CNTN4: variants seen among roughly 807,000 people sequenced by gnomAD.
CNTN4 encodes contactin-4.
CNTN4 carries 77 observed loss-of-function variants against 122.5 expected under a neutral mutation model. That is an observed-to-expected ratio of 0.63 (90% CI 0.52 to 0.76). The LOEUF (loss-of-function observed/expected upper bound fraction) is 0.76, where lower values mean the gene tolerates loss of function less well. Among genes scored for constraint, CNTN4 ranks in the 30% least tolerant of loss-of-function variants. The probability of loss-of-function intolerance (pLI) is 0.00; values close to 1 mark genes in which losing one functional copy is unlikely to be tolerated. For synonymous variants in CNTN4, 512 were observed against 447.0 expected, an observed-to-expected ratio of 1.15 and a Z score of -1.83; for missense variants, 1,256 against 1,259.1, an observed-to-expected ratio of 1.00 and a Z score of 0.04.
At chr3:2,505,579 C>T (rs149324343) in intron 3 of CNTN4, among the ~76,000 whole-genome samples, 5 of 152,100 alleles carry the variant, frequency 3.3e-5, no homozygotes, top group African/African-American at 7.2e-5. Flanking sequence ...TTGCAAAGAC[C>T]TACATAAATA....
intron 7 of CNTN4, among the ~76,000 whole-genome samples, chr3:2,833,592 G>A (rs1474872803): frequency 5.3e-5 from 8 of 149,566 alleles, no homozygotes; most frequent in East Asian, 2.0e-4. Flanking sequence ...ATGTTTGAGC[G>A]GAAGAAAAAA....
chr3:2,622,554 G>A (rs1559315430), intron 4 of CNTN4, among the ~76,000 whole-genome samples: 1 of 152,178 alleles, frequency 6.6e-6, no homozygotes, highest in Non-Finnish European at 1.5e-5. Flanking sequence ...GGGATTACAG[G>A]TGTGAGCCAC....
chr3:2,950,314 T>C (rs753136582), intron 13 of CNTN4, among the ~76,000 whole-genome samples: 2 of 152,234 alleles, frequency 1.3e-5, no homozygotes, highest in Non-Finnish European at 2.9e-5. Context: ...GGCATCTGCA[T>C]CCTCCCAGAA....
intron 3 of CNTN4, among the ~76,000 whole-genome samples, chr3:2,533,853 AT>A (rs2077694684): frequency 6.6e-6 from 1 of 152,076 alleles, no homozygotes; most frequent in South Asian, 2.1e-4. Context: ...CATTTCTTTG[AT>A]GACCAGTGAT....
chr3:2,114,745 G>T (rs938592890), intron 2 of CNTN4, among the ~76,000 whole-genome samples: 6 of 152,116 alleles, frequency 3.9e-5, no homozygotes, highest in African/African-American at 1.4e-4. Flanking sequence ...GAGGGAATTG[G>T]GAGATATTCT....
chr3:3,037,616 A>G (rs1699726895), intron 18 of CNTN4: 1 of 424,204 alleles, frequency 2.4e-6, no homozygotes, highest in East Asian at 4.9e-5. Flanking sequence ...TTTGTCACCA[A>G]GATTCTAACA....
intron 2 of CNTN4, among the ~76,000 whole-genome samples, chr3:2,196,720 C>T (rs963881680): frequency 2.6e-5 from 4 of 152,054 alleles, no homozygotes; most frequent in African/African-American, 9.7e-5. Flanking sequence ...TGTTTATGCT[C>T]TAAGCAGTGA....
At chr3:2,265,538 T>A (rs1177184758) in intron 2 of CNTN4, among the ~76,000 whole-genome samples, 1 of 152,114 alleles carries the variant, frequency 6.6e-6, no homozygotes, top group Non-Finnish European at 1.5e-5. Context: ...AGAATTGCTT[T>A]AATTATTCAA....
chr3:2,541,955 T>C (rs991317187), intron 3 of CNTN4, among the ~76,000 whole-genome samples: 1 of 152,144 alleles, frequency 6.6e-6, no homozygotes, highest in Non-Finnish European at 1.5e-5. Flanking sequence ...CACAGGTGTT[T>C]CCAAATATTT....
chr3:2,830,146 A>G (rs1191940189), intron 7 of CNTN4, among the ~76,000 whole-genome samples: 1 of 152,218 alleles, frequency 6.6e-6, no homozygotes, highest in Non-Finnish European at 1.5e-5. Flanking sequence ...TTGGGCAGAA[A>G]CCAAGAACTT....
At chr3:2,257,820 T>A (rs1365959069) in intron 2 of CNTN4, among the ~76,000 whole-genome samples, 4 of 152,134 alleles carry the variant, frequency 2.6e-5, no homozygotes, top group African/African-American at 9.7e-5. Context: ...TCTTAGCACC[T>A]TGGGAGGCCG....
intron 4 of CNTN4, among the ~76,000 whole-genome samples, chr3:2,590,496 A>T (rs1011221839): frequency 6.6e-6 from 1 of 151,844 alleles, no homozygotes; most frequent in Non-Finnish European, 1.5e-5. Context: ...ACCTCAAGTG[A>T]TCTGCCTGCC....
chr3:2,543,506 C>A (rs1306224600), intron 3 of CNTN4, among the ~76,000 whole-genome samples: 2 of 152,064 alleles, frequency 1.3e-5, no homozygotes, highest in East Asian at 3.9e-4. Flanking sequence ...GGGTTTAGCA[C>A]TGGACTCTGC....
At chr3:2,751,789 T>TA (rs2090105346) in intron 6 of CNTN4, among the ~76,000 whole-genome samples, 3 of 151,996 alleles carry the variant, frequency 2.0e-5, no homozygotes, top group South Asian at 4.2e-4. Context: ...ATATTTATTT[T>TA]AAAAAAATAA....
intron 3 of CNTN4, among the ~76,000 whole-genome samples, chr3:2,390,942 A>G (rs539385942): frequency 6.8e-4 from 104 of 152,322 alleles, no homozygotes; most frequent in African/African-American, 2.5e-3. Flanking sequence ...TTCTTCAAGT[A>G]TGTTTTTGAG....
At chr3:2,564,698 G>A (rs556891572) in intron 3 of CNTN4, among the ~76,000 whole-genome samples, 1 of 152,130 alleles carries the variant, frequency 6.6e-6, no homozygotes, top group East Asian at 1.9e-4. Flanking sequence ...ATATCACTGT[G>A]ATTATTGAGG....
chr3:2,944,826 T>C (rs2094657799), intron 13 of CNTN4, among the ~76,000 whole-genome samples: 1 of 152,174 alleles, frequency 6.6e-6, no homozygotes, highest in African/African-American at 2.4e-5. Flanking sequence ...AGGATACACC[T>C]GCAGGGAAGT....
intron 2 of CNTN4, among the ~76,000 whole-genome samples, chr3:2,301,662 T>C (rs777493747): frequency 3.2e-4 from 48 of 152,160 alleles, no homozygotes; most frequent in Non-Finnish European, 6.3e-4. Context: ...AGGAGGCAAG[T>C]AACTTGGGGA....
At chr3:2,604,620 A>G (rs1244885821) in intron 4 of CNTN4, among the ~76,000 whole-genome samples, 1 of 152,208 alleles carries the variant, frequency 6.6e-6, no homozygotes, top group African/African-American at 2.4e-5. Context: ...TTTCTAGATG[A>G]TAGAAGAGGA....
Sources: allele counts gnomAD v4.1 joint callset (sites outside exome capture counted in the v4.1 genomes callset), GRCh38; gene constraint gnomAD v4.1.1; transcripts MANE v1.5; gene names NCBI Gene and HGNC (gene_info 2026-07-23, HGNC 2026-07-21).